Variants in MBNL2 observed in about 807,000 individuals in gnomAD.
MBNL2 encodes muscleblind like splicing regulator 2.
In MBNL2, 17 loss-of-function variants were observed where a neutral mutation model predicts 41.9. The ratio of observed to expected loss-of-function variants is 0.41; its 90% CI spans 0.28 to 0.61. MBNL2 has a LOEUF of 0.61. Ranked by LOEUF, MBNL2 falls within the 20% of genes least tolerant of loss-of-function variation. MBNL2 has a pLI of 0.35. For missense variants in MBNL2, 336 were observed against 505.6 expected (o/e 0.66, Z 3.22); for synonymous variants, 195 against 182.9 (o/e 1.07, Z -0.53).
chr13:97,305,822 G>C (rs1429104291), intron 2 of MBNL2, among the ~76,000 whole-genome samples: 1 of 152,102 alleles, frequency 6.6e-6, no homozygotes, highest in African/African-American at 2.4e-5. Context: ...TTTTTTGTCA[G>C]AGTCTCATGA....
chr13:97,162,308 A>T, the MBNL2 span, among the ~76,000 whole-genome samples: 2 of 152,300 alleles, frequency 1.3e-5, no homozygotes, highest in South Asian at 4.1e-4. Context: ...ATCTACATCA[A>T]ATCGACTCTA....
At chr13:97,167,830 G>T in the MBNL2 span, among the ~76,000 whole-genome samples, 1 of 151,872 alleles carries the variant, frequency 6.6e-6, no homozygotes, top group African/African-American at 2.4e-5. Context: ...TCTCAGAAAG[G>T]GTCTGTATCA....
intron 1 of MBNL2, 49 bp from the exon 2 acceptor site, chr13:97,275,583 G>A (rs1158950866): frequency 6.6e-6 from 1 of 152,204 alleles, no homozygotes; most frequent in Non-Finnish European, 1.5e-5. Flanking sequence ...TTGAAGTGGT[G>A]ATTCCATTGA....
At chr13:97,368,941 T>C (rs1281340640) in intron 8 of MBNL2, among the ~76,000 whole-genome samples, 1 of 152,226 alleles carries the variant, frequency 6.6e-6, no homozygotes, top group African/African-American at 2.4e-5. Flanking sequence ...TCAAGAATCC[T>C]ATATTCAGTG....
the MBNL2 span, among the ~76,000 whole-genome samples, chr13:97,169,672 T>C: frequency 1.3e-5 from 2 of 152,364 alleles, no homozygotes; most frequent in East Asian, 3.9e-4. Flanking sequence ...CTTATGGTTG[T>C]ATGGGTGAGA....
At position 97,292,710 on chromosome 13, in the gene MBNL2, A is replaced by G. The variant is rs531771803; in HGVS notation, c.174+16301A>G. ...CTCGGTGAGCCCCAGGTCCTTCCAA[A>G]ACTTCTAAAATCTTCACTTGAAGTA... On this transcript the variant is annotated intron_variant, in intron 2 of 8. Transcript: ENST00000679496. 1.2e-4 allele frequency among the ~76,000 whole-genome samples: 19 copies of G among 152,138 alleles called. No individual in the cohort carries two copies. The South Asian group carries it at 3.5e-3, about 28-fold the overall frequency.
chr13:97,232,890 T>C (rs7985885), intron 1 of MBNL2, among the ~76,000 whole-genome samples: 4,135 of 134,530 alleles, frequency 0.031, 101 homozygotes, highest in African/African-American at 0.071. Context: ...TGTGTGTGTG[T>C]GCGCACGTAC....
chr13:97,159,093 A>G, the MBNL2 span, among the ~76,000 whole-genome samples: 2 of 152,180 alleles, frequency 1.3e-5, no homozygotes, highest in East Asian at 3.9e-4. Context: ...TATTGGGTGC[A>G]TATATATTTA....
At chr13:97,253,867 AT>A (rs987630158) in intron 1 of MBNL2, among the ~76,000 whole-genome samples, 36 of 146,858 alleles carry the variant, frequency 2.5e-4, no homozygotes, top group East Asian at 2.0e-3. Flanking sequence ...AATGTGCTGA[AT>A]TTTTTTTTTT....
chr13:97,291,484 G>T (rs1183564561), intron 2 of MBNL2, among the ~76,000 whole-genome samples: 1 of 151,956 alleles, frequency 6.6e-6, no homozygotes, highest in African/African-American at 2.4e-5. Flanking sequence ...CTCGTGATCC[G>T]CCCACCTCAG....
chr13:97,371,653 T>C (rs1261270927), intron 8 of MBNL2, among the ~76,000 whole-genome samples: 1 of 152,028 alleles, frequency 6.6e-6, no homozygotes, highest in Non-Finnish European at 1.5e-5. Context: ...AGCAGATGGA[T>C]TCGAGGCGGG....
At chr13:97,175,140 G>A in the MBNL2 span, among the ~76,000 whole-genome samples, 3 of 152,126 alleles carry the variant, frequency 2.0e-5, no homozygotes, top group South Asian at 4.2e-4. Flanking sequence ...GCAACCTTTG[G>A]GAAGTCTCAG....
chr13:97,176,004 G>C, the MBNL2 span, among the ~76,000 whole-genome samples: 1 of 152,172 alleles, frequency 6.6e-6, no homozygotes, highest in East Asian at 1.9e-4. Flanking sequence ...AGAAACCCCT[G>C]AGGTGGCCAG....
chr13:97,300,679 A>G (rs552752151), intron 2 of MBNL2, among the ~76,000 whole-genome samples: 2 of 151,972 alleles, frequency 1.3e-5, no homozygotes, highest in Non-Finnish European at 2.9e-5. Flanking sequence ...CTTCTTTTTC[A>G]CCTTCAACAT....
the MBNL2 span, among the ~76,000 whole-genome samples, chr13:97,197,242 G>T: frequency 6.6e-6 from 1 of 151,972 alleles, no homozygotes; most frequent in Admixed American, 6.6e-5. Context: ...AAAAATTATT[G>T]TCCTTTGCAG....
the MBNL2 span, among the ~76,000 whole-genome samples, chr13:97,146,604 A>G: frequency 6.6e-6 from 1 of 152,202 alleles, no homozygotes; most frequent in East Asian, 1.9e-4. Flanking sequence ...TAATTGAGAC[A>G]GAAAAATTGC....
chr13:97,355,198 C>T (rs769622013), intron 5 of MBNL2, among the ~76,000 whole-genome samples: 31 of 152,186 alleles, frequency 2.0e-4, no homozygotes, highest in Admixed American at 4.6e-4. Context: ...TCGATGACTC[C>T]GATCAAAACT....
the MBNL2 span, among the ~76,000 whole-genome samples, chr13:97,171,163 C>T: frequency 6.6e-6 from 1 of 152,196 alleles, no homozygotes; most frequent in Non-Finnish European, 1.5e-5. Flanking sequence ...TTCAACTATG[C>T]CCACTTAAGT....
At chr13:97,227,279 G>A (rs1228023213) in intron 1 of MBNL2, among the ~76,000 whole-genome samples, 1 of 152,114 alleles carries the variant, frequency 6.6e-6, no homozygotes, top group Non-Finnish European at 1.5e-5. Context: ...AGATGGGCAG[G>A]TCCAAGGTTT....
Sources: allele counts gnomAD v4.1 joint callset (sites outside exome capture counted in the v4.1 genomes callset), GRCh38; gene constraint gnomAD v4.1.1; transcripts MANE v1.5; gene names NCBI Gene and HGNC (gene_info 2026-07-23, HGNC 2026-07-21).